Variants in GFY observed in about 807,000 individuals in gnomAD.
The protein encoded by GFY is golgi associated olfactory signaling regulator.
In GFY, 28 loss-of-function variants were observed where a neutral mutation model predicts 29.1. The observed-to-expected ratio is 0.96, with a 90% CI of 0.71 to 1.32. The LOEUF is 1.32. GFY is among the 40% of genes most tolerant of loss of function. The pLI is 0.00. For synonymous variants in GFY, 277 were observed against 274.5 expected (o/e 1.01, Z -0.09); for missense variants, 656 against 661.9 (o/e 0.99, Z 0.10).
rs889338203 is a variant in GFY, at chr19:49,427,042, C to A, written c.612C>A (p.Asn204Lys). 31 of 1,535,696 alleles carry A rather than the reference C, an allele frequency of 2.0e-5. No individual in the cohort carries two copies. In the African/African-American group the frequency reaches 3.7e-4, roughly 18 times the overall value. Reference protein sequence around the residue: ...QAELPETSNTNPTKTPDPKSP... With the variant: ...QAELPETSNTKPTKTPDPKSP... ...AACTCCCCGAGACCTCAAACACTAA[C>A]CCTACCAAGACCCCTGACCCCAAAT... Residue 204 changes from asparagine (N) to lysine (K), a missense_variant, in exon 2 of 4, where the codon AAC (asparagine) becomes AAA (lysine). Coordinates refer to ENST00000610896, the MANE Select transcript of GFY (RefSeq NM_001195256.2).
At chr19:49,425,696 C>G (rs756677256) in intron 1 of GFY, among the ~76,000 whole-genome samples, 3 of 152,150 alleles carry the variant, frequency 2.0e-5, no homozygotes, top group Non-Finnish European at 2.9e-5. Flanking sequence ...AGAGCCCAGA[C>G]CCCAGACCCT....
At position 49,428,734 on chromosome 19, in the gene GFY, A is replaced by G. The variant is rs1337146352; in HGVS notation, c.1473A>G (p.Pro491=). Residue 491 remains proline (P), a synonymous_variant, in exon 4 of 4, where the codon CCA becomes CCG. Coordinates refer to ENST00000610896, the MANE Select transcript of GFY (RefSeq NM_001195256.2). The stretch of plus-strand genomic sequence containing the variant: ...CCCCGCCCACACCTCCTCTGCCACC[A>G]AAGCTGCCCCCGCCGCCCCGCGGGG... The part of the protein sequence containing the change: ...KQPPPTPPLP[P]KLPPPPRGGR... 1.3e-6 allele frequency: 2 copies of G among 1,524,446 alleles called. No individual in the cohort carries two copies. The allele number at this position is 1,524,446 out of a possible 1,614,324, so 94.4% of individuals were successfully genotyped here.
upstream of GFY, among the ~76,000 whole-genome samples, chr19:49,424,981 G>A (rs1354597381): frequency 6.6e-6 from 1 of 152,118 alleles, no homozygotes; most frequent in Non-Finnish European, 1.5e-5. Flanking sequence ...CAGAAGCTTG[G>A]ACTCCTGAGT....
chr19:49,426,292 A>C, intron 1 of GFY, 118 bp from the exon 2 acceptor site: 1 of 1,419,178 alleles, frequency 7.0e-7, no homozygotes, highest in Non-Finnish European at 9.2e-7. Context: ...CCCTGGCGCC[A>C]AGCTGGGCCC....
upstream of GFY, among the ~76,000 whole-genome samples, chr19:49,424,712 G>A (rs1975055714): frequency 6.6e-6 from 1 of 152,102 alleles, no homozygotes; most frequent in Non-Finnish European, 1.5e-5. Flanking sequence ...TAGGTGTGGT[G>A]TAATCCCAGC....
Position 49,428,924 on chromosome 19 carries a change from C to A in GFY, c.*106C>A. ...TGCCCCGGATAAAGGGTCTAATATACAGAGATGCTTGCGCTGTGATCAGAG... is the reference window on the plus strand; with the variant it reads ...TGCCCCGGATAAAGGGTCTAATATAAAGAGATGCTTGCGCTGTGATCAGAG... On this transcript the variant is annotated 3_prime_UTR_variant, in exon 4 of 4. Coordinates refer to ENST00000610896, the MANE Select transcript of GFY (RefSeq NM_001195256.2). 1.4e-6 allele frequency: 1 copy of A among 690,680 alleles called. No individual in the cohort carries two copies. The highest frequency in any genetic ancestry group is 2.2e-6 in the Non-Finnish European group (1 of 450,344). 42.8% of individuals were successfully genotyped at this position (690,680 alleles called of 1,614,324 possible).
rs1318453830 is a variant in GFY at position 49,426,740 on chromosome 19, A to AC, written c.315dup (p.Lys106GlnfsTer3). 11 of 1,534,264 alleles carry AC rather than the reference A, an allele frequency of 7.2e-6. No homozygotes were observed. The Admixed American group carries it at 1.2e-4, about 16-fold the overall frequency. On this transcript the variant is annotated frameshift_variant, in exon 2 of 4. Coordinates refer to ENST00000610896, the MANE Select transcript of GFY (RefSeq NM_001195256.2). LOFTEE classifies it high-confidence loss of function. ...AACCCCGCACCCAGAGTCTCCTGAG[A>AC]CCCCCAAAGCTGACTCACTCACAAC...
chr19:49,424,106 C>T (rs556368208), upstream of GFY: 14 of 152,434 alleles, frequency 9.2e-5, no homozygotes, highest in African/African-American at 3.4e-4. Context: ...AGAAAAACCT[C>T]AGAGAGTGAG....
intron 1 of GFY, among the ~76,000 whole-genome samples, chr19:49,425,925 CT>C (rs576566882): frequency 1.4e-3 from 216 of 152,300 alleles, no homozygotes; most frequent in African/African-American, 4.8e-3. Context: ...CCCCAGCAAC[CT>C]TCTTAACCCA....
rs1312588966 is a variant in GFY at position 49,427,431 on chromosome 19, C to T, written c.1001C>T (p.Ala334Val). 43 of 1,535,092 alleles carry T rather than the reference C, an allele frequency of 2.8e-5. No homozygotes were observed. The highest frequency in any genetic ancestry group is 3.6e-5 in the Non-Finnish European group (41 of 1,146,392). ...TCTCCAGGAATGGTTGAGCTGAAGG[C>T]CCCCCAGAACTCTGGCCCTAAGGAG... ...SDSPGMVELK[A>V]PQNSGPKESN... Residue 334 changes from alanine (A) to valine (V), a missense_variant, in exon 2 of 4, where the codon GCC becomes GTC. Transcript: ENST00000610896.
chr19:49,426,516 T>A lies in GFY; in HGVS notation c.86T>A (p.Leu29Ter). The A allele has an allele frequency of 6.5e-7, 1 of 1,536,178 alleles. No homozygotes were observed. The highest frequency in any genetic ancestry group is 8.7e-7 in the Non-Finnish European group (1 of 1,146,916). The change falls in exon 2 of 4, where the codon TTG becomes TAG. Residue 29 changes from leucine (L) to a stop codon, truncating the protein, a stop_gained. Coordinates refer to ENST00000610896, the MANE Select transcript of GFY (RefSeq NM_001195256.2). LOFTEE classifies it high-confidence loss of function. ...SKAAPSAPLP[L>*]GCGFPDMAHP... is the part of the protein sequence containing the mutation. ...GCCGCTCCCTCAGCCCCTCTGCCTT[T>A]GGGCTGTGGCTTTCCGGACATGGCC...
rs1294931031 is a variant in GFY at position 49,427,961 on chromosome 19, G to A, written c.1199G>A (p.Gly400Glu). Residue 400 changes from glycine to glutamate, a missense_variant, in exon 3 of 4, where the codon GGG (glycine) becomes GAG (glutamate). By Grantham distance (98) the Gly-to-Glu change is moderately conservative. Transcript: ENST00000610896. ...RVKETGVTLV[G>E]RPRGAAGGAL... is the part of the protein sequence containing the mutation. ...CCCCCTTCAGGCGTGACTCTGGTGG[G>A]GCGACCACGTGGCGCAGCAGGCGGG... The A allele has an allele frequency of 6.5e-7, 1 of 1,534,700 alleles. No individual in the cohort carries two copies. Among genetic ancestry groups the A allele is most frequent in the East Asian group, 2.4e-5 (1 of 40,894 alleles).
Position 49,427,368 on chromosome 19 carries a change from C to A in GFY, c.938C>A (p.Ala313Asp), listed in dbSNP as rs1421624655. The change falls in exon 2 of 4, where the codon GCC becomes GAC. Residue 313 changes from alanine to aspartate, a missense_variant. Ala to Asp is a moderately radical substitution (Grantham distance 126). Coordinates refer to ENST00000610896, the MANE Select transcript of GFY (RefSeq NM_001195256.2). ...SLNPKPGTPA[A>D]IQPDSPKLPT... is the part of the protein sequence containing the mutation. Reference sequence around the variant, plus strand: ...AATCCCAAACCAGGAACACCTGCAGCCATCCAGCCCGACTCCCCAAAATTG... The same window carrying A: ...AATCCCAAACCAGGAACACCTGCAGACATCCAGCCCGACTCCCCAAAATTG... 3 of 1,536,186 alleles carry A rather than the reference C, an allele frequency of 2.0e-6. No homozygotes were observed. In the Admixed American group the frequency reaches 5.9e-5, roughly 30 times the overall value.
At position 49,428,750 on chromosome 19, in the gene GFY, C is replaced by T; in HGVS notation, c.1489C>T (p.Pro497Ser). Reference sequence around the variant, plus strand: ...TCTGCCACCAAAGCTGCCCCCGCCGCCCCGCGGGGGTCGCCCGCAGCGTCT... The same window carrying T: ...TCTGCCACCAAAGCTGCCCCCGCCGTCCCGCGGGGGTCGCCCGCAGCGTCT... ...PPLPPKLPPP[P>S]RGGRPQRLEA... Residue 497 changes from proline (P) to serine (S), a missense_variant, in exon 4 of 4, where the codon CCC becomes TCC. By Grantham distance (74) the Pro-to-Ser change is moderately conservative (BLOSUM62 -1). Transcript: ENST00000610896. 1 of 1,517,050 alleles carries T rather than the reference C, an allele frequency of 6.6e-7. No individual in the cohort carries two copies. The highest frequency in any genetic ancestry group is 8.8e-7 in the Non-Finnish European group (1 of 1,137,238). 94.0% of individuals were successfully genotyped at this position (1,517,050 alleles called of 1,614,324 possible). A position where few individuals can be genotyped will look rare whatever the true frequency, so the allele number is the denominator to read the frequency against.
Position 49,426,996 on chromosome 19 carries a change from C to T in GFY, c.566C>T (p.Ala189Val), listed in dbSNP as rs1975081697. Residue 189 changes from alanine (A) to valine (V), a missense_variant, in exon 2 of 4, where the codon GCC becomes GTC. Ala to Val is a moderately conservative substitution (Grantham distance 64). Transcript: ENST00000610896. ...QESPEILQLNATEVSQAELPE... is the reference protein window; with the variant it reads ...QESPEILQLNVTEVSQAELPE... ...TCCCCAGAGATTCTGCAGCTTAATG[C>T]CACTGAAGTCTCACAGGCAGAACTC... is the stretch of plus-strand genomic sequence containing the variant. 14 of 1,535,836 alleles carry T rather than the reference C, an allele frequency of 9.1e-6. No individual in the cohort carries two copies. The African/African-American group carries it at 9.6e-5, about 11-fold the overall frequency.
At position 49,426,536 on chromosome 19, in the gene GFY, A is replaced by T. The variant is rs968769495; in HGVS notation, c.106A>T (p.Met36Leu). 11 of 1,536,004 alleles carry T rather than the reference A, an allele frequency of 7.2e-6. No individual in the cohort carries two copies. The African/African-American group carries it at 8.2e-5, about 11-fold the overall frequency. Reference protein sequence around the residue: ...PLPLGCGFPDMAHPSETSPLK... With the variant: ...PLPLGCGFPDLAHPSETSPLK... ...GCCTTTGGGCTGTGGCTTTCCGGAC[A>T]TGGCCCACCCCTCTGAGACTTCCCC... is the stretch of plus-strand genomic sequence containing the variant. Residue 36 changes from methionine (M) to leucine (L), a missense_variant, in exon 2 of 4, where the codon ATG becomes TTG. Transcript: ENST00000610896.
chr19:49,428,025 C>A lies in GFY; in HGVS notation c.1263C>A (p.Ile421=). Residue 421 remains isoleucine, a synonymous_variant, in exon 3 of 4, where the codon ATC becomes ATA. Transcript: ENST00000610896. ...TCTTCGCGGGGACCGCGCTGCTGATCGGCATCTTTGTGCTGCTGTGGTGTC... is the reference window on the plus strand; with the variant it reads ...TCTTCGCGGGGACCGCGCTGCTGATAGGCATCTTTGTGCTGCTGTGGTGTC... The part of the protein sequence containing the change: ...CLFFAGTALL[I]GIFVLLWCLY... 1 of 1,535,982 alleles carries A rather than the reference C, an allele frequency of 6.5e-7. No homozygotes were observed. The highest frequency in any genetic ancestry group is 2.4e-5 in the East Asian group (1 of 40,920).
upstream of GFY, among the ~76,000 whole-genome samples, chr19:49,425,050 G>A (rs1975058943): frequency 6.6e-6 from 1 of 151,700 alleles, no homozygotes; most frequent in Non-Finnish European, 1.5e-5. Context: ...AGGAGGCTGG[G>A]GACTTGGATT....
chr19:49,427,610 A>G lies in GFY; in HGVS notation c.1180A>G (p.Thr394Ala). ...CATCGTGGTGGAGCGAGTGAAGGAG[A>G]CCGGTGAGGGGCAGGAGCCGGACTC... is the stretch of plus-strand genomic sequence containing the variant. Reference protein sequence around the residue: ...TIIVVERVKETGVTLVGRPRG... With the variant: ...TIIVVERVKEAGVTLVGRPRG... The change falls in exon 2 of 4, where the codon ACC (threonine) becomes GCC (alanine). Residue 394 changes from threonine to alanine, a missense_variant. Transcript: ENST00000610896. The G allele has an allele frequency of 6.9e-7, 1 of 1,456,886 alleles. No individual in the cohort carries two copies. Among genetic ancestry groups the G allele is most frequent in the Non-Finnish European group, 9.0e-7 (1 of 1,110,974 alleles). The allele number at this position is 1,456,886 out of a possible 1,614,324, so 90.2% of individuals were successfully genotyped here.
Sources: gnomAD v4.1 joint callset for allele counts (sites outside exome capture counted in the v4.1 genomes callset) on GRCh38, gnomAD v4.1.1 for gene constraint, MANE v1.5 for transcripts, NCBI Gene and HGNC (gene_info 2026-07-23, HGNC 2026-07-21) for gene names.